RIMS2: variants seen among roughly 807,000 people sequenced by gnomAD.
RIMS2 encodes regulating synaptic membrane exocytosis 2.
Under a neutral mutation model 174.4 loss-of-function variants are expected in RIMS2, and 59 were observed. The observed-to-expected ratio is 0.34, with a 90% CI of 0.27 to 0.42. The LOEUF is 0.42. RIMS2 is among the 10% of genes least tolerant of loss of function. The pLI is 1.00. For synonymous variants in RIMS2, 606 were observed against 572.5 expected, an observed-to-expected ratio of 1.06 and a Z score of -0.84; for missense variants, 1,620 against 1,666.3, an observed-to-expected ratio of 0.97 and a Z score of 0.48.
chr8:103,855,265 TTATC>T (rs1323574403), intron 3 of RIMS2, among the ~76,000 whole-genome samples: 1 of 151,922 alleles, frequency 6.6e-6, no homozygotes, highest in Non-Finnish European at 1.5e-5. Flanking sequence ...ATTAATCTAG[TTATC>T]TATCAATCTT....
chr8:104,091,441 A>G (rs969230590), intron 19 of RIMS2, among the ~76,000 whole-genome samples: 5 of 151,444 alleles, frequency 3.3e-5, no homozygotes, highest in Non-Finnish European at 5.9e-5. Flanking sequence ...TATAGTATCT[A>G]TTGAACAATT....
chr8:103,695,915 G>A (rs768855537), intron 1 of RIMS2, among the ~76,000 whole-genome samples: 60 of 152,184 alleles, frequency 3.9e-4, no homozygotes, highest in African/African-American at 1.2e-3. Context: ...GACTATGAAG[G>A]CAGACTAGGG....
intron 3 of RIMS2, among the ~76,000 whole-genome samples, chr8:103,870,199 A>G (rs1454974728): frequency 6.6e-6 from 1 of 150,728 alleles, no homozygotes; most frequent in Non-Finnish European, 1.5e-5. Context: ...ATGTGATTTT[A>G]GGCAAAGTAA....
intron 1 of RIMS2, among the ~76,000 whole-genome samples, chr8:103,656,440 A>G (rs72679437): frequency 0.051 from 7,725 of 152,258 alleles, 276 homozygotes; most frequent in Middle Eastern, 0.078. Context: ...GAGCAGACAC[A>G]AAGATTGGTT....
chr8:103,822,220 A>G (rs1448297523), intron 3 of RIMS2, among the ~76,000 whole-genome samples: 1 of 151,752 alleles, frequency 6.6e-6, no homozygotes, highest in East Asian at 1.9e-4. Flanking sequence ...TTTTTAAACT[A>G]AGACTTTTGT....
intron 3 of RIMS2, among the ~76,000 whole-genome samples, chr8:103,769,419 G>T (rs1218143014): frequency 2.0e-5 from 3 of 152,140 alleles, no homozygotes; most frequent in African/African-American, 7.2e-5. Flanking sequence ...CGCCTCCCGA[G>T]TTCAAGCGAT....
At chr8:103,819,227 A>G (rs2098736086) in intron 3 of RIMS2, 11 of 1,246,614 alleles carry the variant, frequency 8.8e-6, no homozygotes, top group Non-Finnish European at 1.1e-5. Context: ...TTCACACTTC[A>G]GCTGGGAATG....
At chr8:103,815,890 G>A (rs1338604433) in intron 3 of RIMS2, among the ~76,000 whole-genome samples, 1 of 152,106 alleles carries the variant, frequency 6.6e-6, no homozygotes, top group African/African-American at 2.4e-5. Context: ...TTCCCTATGA[G>A]GTGATATAGC....
chr8:104,147,996 T>C (rs1035113943), intron 19 of RIMS2, among the ~76,000 whole-genome samples: 1 of 152,156 alleles, frequency 6.6e-6, no homozygotes, highest in Admixed American at 6.5e-5. Context: ...TTTCTTTATT[T>C]TTGTAATATA....
At chr8:103,809,489 C>T (rs2098672992) in intron 3 of RIMS2, among the ~76,000 whole-genome samples, 1 of 151,966 alleles carries the variant, frequency 6.6e-6, no homozygotes. Flanking sequence ...CTTCTTCCCT[C>T]CTCCCTCCAC....
chr8:103,591,061 G>T (rs977430117), intron 1 of RIMS2, among the ~76,000 whole-genome samples: 3 of 150,552 alleles, frequency 2.0e-5, no homozygotes, highest in African/African-American at 7.3e-5. Flanking sequence ...AAAGGTATAA[G>T]AGTTCTGGCC....
chr8:103,999,325 G>T (rs960119422), intron 17 of RIMS2, among the ~76,000 whole-genome samples: 1 of 151,664 alleles, frequency 6.6e-6, no homozygotes, highest in African/African-American at 2.4e-5. Context: ...AGTAACTTTT[G>T]TAATGTCTTT....
intron 19 of RIMS2, among the ~76,000 whole-genome samples, chr8:104,024,901 A>G (rs2096212859): frequency 6.6e-6 from 1 of 152,138 alleles, no homozygotes; most frequent in Non-Finnish European, 1.5e-5. Flanking sequence ...GCTATTACCT[A>G]ATGGCTTATT....
chr8:103,505,037 A>G (rs1226627690), intron 1 of RIMS2, among the ~76,000 whole-genome samples: 3 of 151,428 alleles, frequency 2.0e-5, no homozygotes, highest in Non-Finnish European at 4.4e-5. Flanking sequence ...TTATTCTTGT[A>G]GAGATGAGGT....
chr8:104,139,700 T>A (rs1306316653), intron 19 of RIMS2, among the ~76,000 whole-genome samples: 1 of 152,200 alleles, frequency 6.6e-6, no homozygotes, highest in East Asian at 1.9e-4. Context: ...AATCCTATCA[T>A]CTGCAAACAA....
chr8:104,083,325 A>G (rs1442618733), intron 19 of RIMS2, among the ~76,000 whole-genome samples: 5 of 152,052 alleles, frequency 3.3e-5, no homozygotes, highest in Non-Finnish European at 5.9e-5. Flanking sequence ...TCTCCAGCTC[A>G]TATGTTTTTG....
chr8:103,819,130 C>A, intron 3 of RIMS2: 1 of 851,854 alleles, frequency 1.2e-6, no homozygotes, highest in Non-Finnish European at 1.4e-6. Flanking sequence ...GCCAGATGTG[C>A]TAAAACTCCT....
intron 2 of RIMS2, among the ~76,000 whole-genome samples, chr8:103,752,475 C>A (rs1319226921): frequency 3.3e-5 from 5 of 151,962 alleles, no homozygotes; most frequent in African/African-American, 1.2e-4. Context: ...TAGTTTTTTC[C>A]AATTCTGTGA....
intron 13 of RIMS2, among the ~76,000 whole-genome samples, chr8:103,941,038 GCTTCAGTTT>G (rs1204162394): frequency 6.6e-6 from 1 of 152,108 alleles, no homozygotes; most frequent in African/African-American, 2.4e-5. Flanking sequence ...ACCCATCTGT[GCTTCAGTTT>G]CTTCTTCAGC....
Sources: gnomAD v4.1 joint callset for allele counts (sites outside exome capture counted in the v4.1 genomes callset) on GRCh38, gnomAD v4.1.1 for gene constraint, MANE v1.5 for transcripts, NCBI Gene and HGNC (gene_info 2026-07-23, HGNC 2026-07-21) for gene names.